Variants in HERC1 observed in about 807,000 individuals in gnomAD.
HERC1 encodes the protein probable E3 ubiquitin-protein ligase HERC1.
In HERC1, 160 loss-of-function variants were observed where a neutral mutation model predicts 554.3. The observed-to-expected ratio is 0.29, with a 90% CI of 0.25 to 0.33. HERC1 has a LOEUF of 0.33. HERC1 is among the 10% of genes least tolerant of loss of function. The pLI, the probability that HERC1 is intolerant of heterozygous loss-of-function variation, is 1.00. For synonymous variants in HERC1, 2,175 were observed against 2,131.7 expected (o/e 1.02, Z -0.56); for missense variants, 4,919 against 5,918.5 (o/e 0.83, Z 5.54).
intron 57 of HERC1, among the ~76,000 whole-genome samples, chr15:63,644,388 T>C (rs1283072090): frequency 6.6e-6 from 1 of 152,216 alleles, no homozygotes; most frequent in African/African-American, 2.4e-5. Flanking sequence ...ACTTAAACAT[T>C]GGATTCTTAG....
intron 73 of HERC1, among the ~76,000 whole-genome samples, 167 bp downstream of exon 73, chr15:63,623,558 G>C (rs1386756606): frequency 6.6e-6 from 1 of 152,240 alleles, no homozygotes; most frequent in Non-Finnish European, 1.5e-5. Context: ...TTCAAAAGCT[G>C]TTGCTCTAAT....
At position 63,747,674 on chromosome 15, in the gene HERC1, A is replaced by G. The variant is rs935231989; in HGVS notation, c.2354+50T>C. The G allele has an allele frequency of 1.0e-5, 11 of 1,079,578 alleles. No homozygotes were observed. In the African/African-American group the frequency reaches 1.6e-4, roughly 16 times the overall value. 66.9% of individuals were successfully genotyped at this position (1,079,578 alleles called of 1,614,324 possible). A position where few individuals can be genotyped will look rare whatever the true frequency, so the allele number is the denominator to read the frequency against. ...AGGAATAATTTATACACATGCACAC[A>G]CGCGCGCGCACACACACACACAAAG... On this transcript the variant is annotated intron_variant, in intron 11 of 77. Transcript: ENST00000443617.
intron 12 of HERC1, among the ~76,000 whole-genome samples, chr15:63,735,541 T>TA (rs34912552): frequency 0.021 from 2,689 of 125,266 alleles, 71 homozygotes; most frequent in African/African-American, 0.07. Context: ...ATTTAAAGTA[T>TA]AAAAAAAAAA....
Position 63,689,710 on chromosome 15 carries a change from GA to G in HERC1, c.5938-12del. ...TAAGCGCTCAACAATCTGTTTTATTGAAGAAAAAAGGATAAAATTTGTAAAA... is the reference window on the plus strand; with the variant it reads ...TAAGCGCTCAACAATCTGTTTTATTGAGAAAAAAGGATAAAATTTGTAAAA... On this transcript the variant is annotated splice_polypyrimidine_tract_variant and intron_variant, in intron 32 of 77. Transcript: ENST00000443617. 1.4e-6 allele frequency: 2 copies of G among 1,443,988 alleles called. No homozygotes were observed. Among genetic ancestry groups the G allele is most frequent in the Non-Finnish European group, 1.9e-6 (2 of 1,065,302 alleles). The allele number at this position is 1,443,988 out of a possible 1,614,324, so 89.4% of individuals were successfully genotyped here.
intron 77 of HERC1, among the ~76,000 whole-genome samples, chr15:63,610,841 T>C (rs530391582): frequency 4.1e-4 from 63 of 152,248 alleles, no homozygotes; most frequent in African/African-American, 1.4e-3. Context: ...GCCCAGCTCA[T>C]GTGGGAGAGA....
intron 1 of HERC1, among the ~76,000 whole-genome samples, chr15:63,813,560 T>C (rs970118120): frequency 2.0e-5 from 3 of 152,154 alleles, no homozygotes; most frequent in African/African-American, 7.2e-5. Context: ...ACACTACTCA[T>C]TGTCTCCTTA....
intron 75 of HERC1, 49 bp from the exon 76 acceptor site, chr15:63,615,969 CA>C (rs2067797579): frequency 6.9e-7 from 1 of 1,452,084 alleles, no homozygotes; most frequent in African/African-American, 1.4e-5. Context: ...GAAATGACAG[CA>C]AAAAGTATTT....
chr15:63,733,756 G>A (rs2141058105), intron 13 of HERC1, among the ~76,000 whole-genome samples: 1 of 152,308 alleles, frequency 6.6e-6, no homozygotes, highest in Non-Finnish European at 1.5e-5. Flanking sequence ...GAAGGCTGAG[G>A]TGGGAGAATC....
At chr15:63,740,791 G>A (rs1025826311) in intron 12 of HERC1, among the ~76,000 whole-genome samples, 1 of 152,036 alleles carries the variant, frequency 6.6e-6, no homozygotes, top group African/African-American at 2.4e-5. Flanking sequence ...TTATTGTTGA[G>A]CTGTAAGAAT....
chr15:63,754,820 G>A (rs1234952614), intron 6 of HERC1, among the ~76,000 whole-genome samples, 172 bp from the exon 7 acceptor site: 1 of 152,110 alleles, frequency 6.6e-6, no homozygotes, highest in Non-Finnish European at 1.5e-5. Flanking sequence ...CTTCCAAGGT[G>A]CTCCTAAACT....
At chr15:63,732,577 C>A (rs1485289179) in intron 14 of HERC1, among the ~76,000 whole-genome samples, 2 of 152,170 alleles carry the variant, frequency 1.3e-5, no homozygotes, top group East Asian at 3.9e-4. Flanking sequence ...ACTGACCAAC[C>A]TATTCTCATT....
chr15:63,787,497 T>C (rs1308714677), intron 1 of HERC1, among the ~76,000 whole-genome samples: 2 of 152,102 alleles, frequency 1.3e-5, no homozygotes, highest in Admixed American at 6.6e-5. Flanking sequence ...TGGCAGATAA[T>C]GCTTCCCCAA....
intron 1 of HERC1, among the ~76,000 whole-genome samples, chr15:63,817,138 T>C (rs1352006109): frequency 2.7e-5 from 4 of 149,632 alleles, no homozygotes; most frequent in Non-Finnish European, 6.0e-5. Flanking sequence ...ATGAAGAGAG[T>C]CTAAAGATTT....
At chr15:63,811,422 AT>A (rs560878039) in intron 1 of HERC1, among the ~76,000 whole-genome samples, 1 of 152,140 alleles carries the variant, frequency 6.6e-6, no homozygotes, top group East Asian at 1.9e-4. Flanking sequence ...GCTATTCTTC[AT>A]TTTTTCTATA....
chr15:63,744,164 GTCTC>G (rs71464534), intron 12 of HERC1, among the ~76,000 whole-genome samples: 2,549 of 45,340 alleles, frequency 0.056, 45 homozygotes, highest in Non-Finnish European at 0.086. Context: ...GTGTGTGTGT[GTCTC>G]TCTCTCTCTC....
At chr15:63,765,303 A>G (rs2075739842) in intron 2 of HERC1, among the ~76,000 whole-genome samples, 1 of 152,002 alleles carries the variant, frequency 6.6e-6, no homozygotes, top group African/African-American at 2.4e-5. Flanking sequence ...GAAGCCCTCA[A>G]TATCACCTTT....
intron 38 of HERC1, 116 bp from the exon 39 acceptor site, chr15:63,672,810 G>T: frequency 1.5e-6 from 1 of 686,126 alleles, no homozygotes; most frequent in South Asian, 2.1e-5. Context: ...TATTTCACAA[G>T]CATCAATTTC....
chr15:63,809,594 G>T (rs1259646951), intron 1 of HERC1, among the ~76,000 whole-genome samples: 4 of 152,148 alleles, frequency 2.6e-5, no homozygotes, highest in African/African-American at 9.7e-5. Context: ...CAAAAGTTGA[G>T]TTGAGAAATA....
At chr15:63,628,892 A>G in intron 69 of HERC1, 77 bp from the exon 70 acceptor site, 1 of 1,369,632 alleles carries the variant, frequency 7.3e-7, no homozygotes, top group Non-Finnish European at 1.0e-6. Flanking sequence ...TTTTTCTTAG[A>G]TGGTGGCAGA....
Sources: allele counts gnomAD v4.1 joint callset (sites outside exome capture counted in the v4.1 genomes callset), GRCh38; gene constraint gnomAD v4.1.1; transcripts MANE v1.5; gene names NCBI Gene and HGNC (gene_info 2026-07-23, HGNC 2026-07-21).